The following PLGRKT variants were observed in gnomAD, a reference collection of about 807,000 sequenced individuals.
PLGRKT encodes plasminogen receptor with a C-terminal lysine, also known as plasminogen receptor (KT).
PLGRKT carries 22 observed loss-of-function variants against 18.5 expected under a neutral mutation model. The observed-to-expected ratio is 1.19, with a 90% CI of 0.85 to 1.70. The LOEUF is 1.70. Among genes scored for constraint, PLGRKT ranks in the 40% most tolerant of loss-of-function variants. PLGRKT has a pLI of 0.00. For missense variants in PLGRKT, 235 were observed against 174.4 expected (o/e 1.35, Z -1.96); for synonymous variants, 72 against 52.8 (o/e 1.36, Z -1.58).
At chr9:5,400,984 G>C (rs1818143138) in intron 3 of PLGRKT, among the ~76,000 whole-genome samples, 1 of 151,874 alleles carries the variant, frequency 6.6e-6, no homozygotes, top group Non-Finnish European at 1.5e-5. Flanking sequence ...AAAAACCCCA[G>C]AAACCAAGTT....
chr9:5,361,612 C>A, intron 4 of PLGRKT, 146 bp downstream of exon 4: 1 of 682,146 alleles, frequency 1.5e-6, no homozygotes, highest in African/African-American at 1.8e-5. Context: ...CACAGAGTTA[C>A]CCCCAAGGAC....
At chr9:5,367,412 A>C (rs752691634) in intron 3 of PLGRKT, among the ~76,000 whole-genome samples, 2 of 152,178 alleles carry the variant, frequency 1.3e-5, no homozygotes, top group African/African-American at 4.8e-5. Flanking sequence ...ATGGAAAAGA[A>C]TAGAGAATTC....
At chr9:5,397,356 A>G (rs973256564) in intron 3 of PLGRKT, among the ~76,000 whole-genome samples, 1 of 151,854 alleles carries the variant, frequency 6.6e-6, no homozygotes, top group Non-Finnish European at 1.5e-5. Flanking sequence ...CTCTACATCC[A>G]GCTTTAGTGT....
At chr9:5,371,996 T>TTTTTTTTTTTTTTTTTTTG (rs1416131009) in intron 3 of PLGRKT, among the ~76,000 whole-genome samples, 1 of 136,470 alleles carries the variant, frequency 7.3e-6, no homozygotes, top group Non-Finnish European at 1.6e-5. Flanking sequence ...CTTTTTTTTT[T>TTTTTTTTTTTTTTTTTTTG]TTTGATATGG....
intron 3 of PLGRKT, among the ~76,000 whole-genome samples, chr9:5,409,733 G>A (rs1818326130): frequency 6.6e-6 from 1 of 152,210 alleles, no homozygotes; most frequent in Admixed American, 6.5e-5. Context: ...TGAAGTCCAA[G>A]AAGATCAGTT....
At chr9:5,410,308 A>T (rs541675307) in intron 3 of PLGRKT, among the ~76,000 whole-genome samples, 1 of 152,040 alleles carries the variant, frequency 6.6e-6, no homozygotes, top group East Asian at 1.9e-4. Context: ...GGCTGAGTCA[A>T]GTGGATCACT....
At chr9:5,371,316 G>T (rs953729034) in intron 3 of PLGRKT, among the ~76,000 whole-genome samples, 3 of 152,298 alleles carry the variant, frequency 2.0e-5, no homozygotes, top group Admixed American at 6.5e-5. Context: ...GATATGATTT[G>T]GCTGTGTCCC....
chr9:5,366,746 C>A (rs1817397666), intron 3 of PLGRKT, among the ~76,000 whole-genome samples: 1 of 152,000 alleles, frequency 6.6e-6, no homozygotes, highest in South Asian at 2.1e-4. Flanking sequence ...GAAGTCCTAG[C>A]CAGAGCAATC....
chr9:5,432,270 C>T (rs1818842363), intron 2 of PLGRKT, among the ~76,000 whole-genome samples: 1 of 152,080 alleles, frequency 6.6e-6, no homozygotes, highest in Non-Finnish European at 1.5e-5. Context: ...CCTGATTTTT[C>T]TTCCCACCAT....
intron 3 of PLGRKT, among the ~76,000 whole-genome samples, chr9:5,403,691 T>C (rs1390548245): frequency 6.6e-6 from 1 of 152,248 alleles, no homozygotes; most frequent in Non-Finnish European, 1.5e-5. Context: ...AGTAAACTTC[T>C]ATCCTGGAAG....
intron 3 of PLGRKT, among the ~76,000 whole-genome samples, chr9:5,391,039 A>G (rs2131109952): frequency 6.6e-6 from 1 of 152,028 alleles, no homozygotes; most frequent in Admixed American, 6.5e-5. Flanking sequence ...ATTTTCTAAG[A>G]ACAATTAAAA....
chr9:5,414,067 T>G (rs1818413905), intron 3 of PLGRKT, among the ~76,000 whole-genome samples: 1 of 152,192 alleles, frequency 6.6e-6, no homozygotes. Context: ...GTTAAGAGAT[T>G]AAACACCTAT....
rs61537001 is a variant in PLGRKT, at chr9:5,417,104, C to T, written c.81+14793G>A. Reference sequence around the variant, plus strand: ...GCTAACTTATTTCCATTCATTCCAGCTTTGAAAGAGAAAGACACAGCAGGT... The same window carrying T: ...GCTAACTTATTTCCATTCATTCCAGTTTTGAAAGAGAAAGACACAGCAGGT... On this transcript the variant is annotated intron_variant, in intron 3 of 5. Coordinates refer to ENST00000223864, the MANE Select transcript of PLGRKT (RefSeq NM_018465.4). 8.3e-3 allele frequency among the ~76,000 whole-genome samples: 1,262 copies of T among 152,216 alleles called. 18 individuals carry two copies. Among genetic ancestry groups the T allele is most frequent in the African/African-American group, 0.028 (1,168 of 41,526 alleles).
At chr9:5,417,786 A>G (rs1450373265) in intron 3 of PLGRKT, among the ~76,000 whole-genome samples, 1 of 148,616 alleles carries the variant, frequency 6.7e-6, no homozygotes, top group Non-Finnish European at 1.5e-5. Flanking sequence ...CATTGGAGAC[A>G]GTTGTTAAAA....
At chr9:5,362,829 G>T (rs1817296751) in intron 3 of PLGRKT, among the ~76,000 whole-genome samples, 1 of 152,140 alleles carries the variant, frequency 6.6e-6, no homozygotes, top group African/African-American at 2.4e-5. Flanking sequence ...TAAATCACCA[G>T]AAGATATGAC....
At chr9:5,414,092 A>T (rs1818414478) in intron 3 of PLGRKT, among the ~76,000 whole-genome samples, 1 of 152,224 alleles carries the variant, frequency 6.6e-6, no homozygotes, top group Non-Finnish European at 1.5e-5. Context: ...GAAGGGTGGG[A>T]ACAGGGTATT....
At chr9:5,429,896 T>A (rs1818786698) in intron 3 of PLGRKT, among the ~76,000 whole-genome samples, 1 of 152,078 alleles carries the variant, frequency 6.6e-6, no homozygotes, top group Admixed American at 6.6e-5. Flanking sequence ...AGGTCTGACA[T>A]CTCCATTTTG....
chr9:5,434,741 G>A (rs573166535), intron 2 of PLGRKT, among the ~76,000 whole-genome samples: 26 of 151,898 alleles, frequency 1.7e-4, no homozygotes, highest in Middle Eastern at 6.8e-3. Context: ...GAGCGCCTCT[G>A]CCCGGCCGCC....
At chr9:5,376,139 T>C (rs1363951730) in intron 3 of PLGRKT, among the ~76,000 whole-genome samples, 1 of 152,108 alleles carries the variant, frequency 6.6e-6, no homozygotes, top group African/African-American at 2.4e-5. Context: ...CCTAGAGTAG[T>C]CAAATTAATA....
Sources: allele counts gnomAD v4.1 joint callset (sites outside exome capture counted in the v4.1 genomes callset), GRCh38; gene constraint gnomAD v4.1.1; transcripts MANE v1.5; gene names NCBI Gene and HGNC (gene_info 2026-07-23, HGNC 2026-07-21).